Variants in NCKAP5 observed in about 807,000 individuals in gnomAD.
The protein encoded by NCKAP5 is NCK associated protein 5.
Under a neutral mutation model 167.0 loss-of-function variants are expected in NCKAP5, and 92 were observed. That is an observed-to-expected ratio of 0.55 (90% CI 0.47 to 0.66). NCKAP5 has a LOEUF of 0.66. Among genes scored for constraint, NCKAP5 ranks in the 30% least tolerant of loss-of-function variants. NCKAP5 has a pLI of 0.00. For synonymous variants in NCKAP5, 891 were observed against 877.4 expected, an observed-to-expected ratio of 1.02 and a Z score of -0.27; for missense variants, 2,378 against 2,315.0, an observed-to-expected ratio of 1.03 and a Z score of -0.56.
chr2:133,039,477 T>C (rs2079143632), intron 6 of NCKAP5, among the ~76,000 whole-genome samples: 2 of 152,164 alleles, frequency 1.3e-5, no homozygotes, highest in African/African-American at 4.8e-5. Flanking sequence ...GAGTCTTTGA[T>C]CTTGAATTTG....
Position 132,783,851 on chromosome 2 carries a change from G to T in NCKAP5, c.2960C>A (p.Ala987Asp). The T allele has an allele frequency of 6.5e-7, 1 of 1,530,702 alleles. No homozygotes were observed. Among genetic ancestry groups the T allele is most frequent in the Non-Finnish European group, 8.8e-7 (1 of 1,140,876 alleles). 94.8% of individuals were successfully genotyped at this position (1,530,702 alleles called of 1,614,324 possible). A position where few individuals can be genotyped will look rare whatever the true frequency, so the allele number is the denominator to read the frequency against. Residue 987 changes from alanine (A) to aspartate (D), a missense_variant, in exon 14 of 20, where the codon GCC becomes GAC. By Grantham distance (126) the Ala-to-Asp change is moderately radical. Around this residue, in one of 3 missense-constraint regions of NCKAP5, gnomAD observed 1,325 missense variants for 1,274.5 expected, o/e 1.04. Transcript: ENST00000409261. ...TTTCTTCCTCTGCACTTCTGTCGTG[G>T]CCGGATTAGAAGAAATAACTGGAGC... Reference protein sequence around the residue: ...ISAPVISSNPATTEVQRKKPS... With the variant: ...ISAPVISSNPDTTEVQRKKPS...
At chr2:133,192,340 C>G (rs142895261) in intron 5 of NCKAP5, among the ~76,000 whole-genome samples, 5 of 152,180 alleles carry the variant, frequency 3.3e-5, no homozygotes, top group South Asian at 2.1e-4. Context: ...TTGTTGAGAA[C>G]TAAACCTACG....
chr2:133,227,156 A>G lies in NCKAP5; in HGVS notation c.144-13377T>C, dbSNP rs192361140. Among the ~76,000 whole-genome samples, 176 of 152,322 alleles carry G rather than the reference A, an allele frequency of 1.2e-3. 1 individual carries two copies. Among genetic ancestry groups the G allele is most frequent in the African/African-American group, 3.7e-3 (154 of 41,578 alleles). ...ATAACTCTAGAGTTATAAAATCTTT[A>G]CTGCAAAGTGGGTTTTTTTCCAATC... is the stretch of plus-strand genomic sequence containing the variant. On this transcript the variant is annotated intron_variant, in intron 4 of 19. Coordinates refer to ENST00000409261, the MANE Select transcript of NCKAP5 (RefSeq NM_207363.3).
intron 3 of NCKAP5, among the ~76,000 whole-genome samples, chr2:133,355,843 T>A (rs1188730178): frequency 6.6e-6 from 1 of 152,188 alleles, no homozygotes; most frequent in Non-Finnish European, 1.5e-5. Flanking sequence ...TTTTTTAACC[T>A]ATCATCTCTG....
At chr2:133,667,191 G>A in the NCKAP5 span, among the ~76,000 whole-genome samples, 27 of 151,980 alleles carry the variant, frequency 1.8e-4, no homozygotes, top group Non-Finnish European at 3.1e-4. Flanking sequence ...CAAAATCACA[G>A]TGAGACTAAT....
intron 6 of NCKAP5, among the ~76,000 whole-genome samples, chr2:133,085,253 T>C (rs1206932731): frequency 1.3e-5 from 2 of 152,158 alleles, no homozygotes; most frequent in Non-Finnish European, 2.9e-5. Context: ...TGTGAGGCTC[T>C]CTTAGTAAGC....
rs564998008 is a variant in NCKAP5 at position 133,518,418 on chromosome 2, G to C, written c.-61-831C>G. On this transcript the variant is annotated intron_variant, in intron 2 of 19. Coordinates refer to ENST00000409261, the MANE Select transcript of NCKAP5 (RefSeq NM_207363.3). ...CACCCAGGCTGGAGTACAGTGGCAC[G>C]ATCTCAGCTCACTGCAAGCTCCGCC... Among the ~76,000 whole-genome samples, 6 of 126,396 alleles carry C rather than the reference G, an allele frequency of 4.7e-5. 1 individual carries two copies. Among genetic ancestry groups the C allele is most frequent in the African/African-American group, 1.8e-4 (6 of 33,116 alleles). The allele number at this position is 126,396 out of a possible 152,430, so 82.9% of individuals were successfully genotyped here. A position where few individuals can be genotyped will look rare whatever the true frequency, so the allele number is the denominator to read the frequency against.
chr2:132,899,058 A>G (rs1198629920), intron 8 of NCKAP5, among the ~76,000 whole-genome samples: 2 of 152,160 alleles, frequency 1.3e-5, no homozygotes, highest in African/African-American at 4.8e-5. Context: ...CCAATATAAG[A>G]TTGACCCCTA....
chr2:133,075,146 C>A (rs2080556088), intron 6 of NCKAP5, among the ~76,000 whole-genome samples: 1 of 152,058 alleles, frequency 6.6e-6, no homozygotes, highest in Non-Finnish European at 1.5e-5. Context: ...TTGAATGATT[C>A]AACAATTTGA....
intron 4 of NCKAP5, among the ~76,000 whole-genome samples, chr2:133,263,598 G>A (rs1158059460): frequency 6.6e-6 from 1 of 152,068 alleles, no homozygotes; most frequent in African/African-American, 2.4e-5. Context: ...ACCATTTCTG[G>A]AGGAAAGTCA....
chr2:133,022,686 C>G (rs2078567240), intron 6 of NCKAP5, among the ~76,000 whole-genome samples: 1 of 152,174 alleles, frequency 6.6e-6, no homozygotes, highest in Non-Finnish European at 1.5e-5. Flanking sequence ...CCTCTATCCC[C>G]TCGGAAGATG....
Position 132,966,658 on chromosome 2 carries a change from T to C in NCKAP5, c.430-2789A>G, listed in dbSNP as rs866694397. 5.3e-5 allele frequency among the ~76,000 whole-genome samples: 8 copies of C among 152,324 alleles called. No homozygotes were observed. The Middle Eastern group carries it at 0.01, about 194-fold the overall frequency. On this transcript the variant is annotated intron_variant, in intron 7 of 19. Coordinates refer to ENST00000409261, the MANE Select transcript of NCKAP5 (RefSeq NM_207363.3). Reference sequence around the variant, plus strand: ...TTAACCAGCCATTATATAATCTTGTTTTATGTGTATTTCTATTTAAAGACA... The same window carrying C: ...TTAACCAGCCATTATATAATCTTGTCTTATGTGTATTTCTATTTAAAGACA...
At chr2:133,211,364 G>A (rs1354442291) in intron 5 of NCKAP5, among the ~76,000 whole-genome samples, 3 of 152,050 alleles carry the variant, frequency 2.0e-5, no homozygotes, top group Non-Finnish European at 1.5e-5. Flanking sequence ...CCAAGTAGAT[G>A]GGATCACAGG....
intron 16 of NCKAP5, among the ~76,000 whole-genome samples, chr2:132,758,265 T>C (rs11687264): frequency 0.2 from 30,149 of 152,218 alleles, 3,520 homozygotes; most frequent in Non-Finnish European, 0.27. Context: ...ATCATTTTCA[T>C]GGCTGCGGTT....
intron 3 of NCKAP5, among the ~76,000 whole-genome samples, chr2:133,511,059 T>C (rs867007861): frequency 7.2e-5 from 11 of 152,334 alleles, no homozygotes; most frequent in African/African-American, 2.6e-4. Flanking sequence ...CATGATTCAC[T>C]AAGTGAACAT....
intron 4 of NCKAP5, among the ~76,000 whole-genome samples, chr2:133,237,247 AT>A (rs1274625261): frequency 2.0e-5 from 3 of 152,194 alleles, no homozygotes; most frequent in Non-Finnish European, 4.4e-5. Flanking sequence ...AGATTTTTTA[AT>A]TTTGTGTACA....
In NCKAP5 at chr2:133,201,930, G is replaced by T. The variant is rs1243422757; in HGVS notation, c.207+11786C>A. Among the ~76,000 whole-genome samples, 3 of 152,102 alleles carry T rather than the reference G, an allele frequency of 2.0e-5. No individual in the cohort carries two copies. The East Asian group carries it at 5.8e-4, about 29-fold the overall frequency. Reference sequence around the variant, plus strand: ...AACATTCCATGCTCATGGATAGGAAGAATCATTATCATCAAAATGGCCATA... The same window carrying T: ...AACATTCCATGCTCATGGATAGGAATAATCATTATCATCAAAATGGCCATA... On this transcript the variant is annotated intron_variant, in intron 5 of 19. Transcript: ENST00000409261.
intron 5 of NCKAP5, among the ~76,000 whole-genome samples, chr2:133,192,993 C>T (rs1053090191): frequency 6.6e-6 from 1 of 151,998 alleles, no homozygotes; most frequent in African/African-American, 2.4e-5. Context: ...CTGAAAACAA[C>T]CCAAATGTCT....
chr2:132,797,626 C>T (rs183562591), intron 11 of NCKAP5, among the ~76,000 whole-genome samples: 6 of 152,240 alleles, frequency 3.9e-5, no homozygotes, highest in Admixed American at 2.0e-4. Context: ...CTCTCGCTTC[C>T]GAAAAGTTTT....
Sources: allele counts gnomAD v4.1 joint callset (sites outside exome capture counted in the v4.1 genomes callset), GRCh38; gene constraint gnomAD v4.1.1; regional missense constraint gnomAD v4.1.1; transcripts MANE v1.5; gene names NCBI Gene and HGNC (gene_info 2026-07-23, HGNC 2026-07-21).